The following MYCBP2 variants were observed in gnomAD, a reference collection of about 807,000 sequenced individuals.
MYCBP2 encodes the protein MYC binding protein 2.
Under a neutral mutation model 525.3 loss-of-function variants are expected in MYCBP2, and 120 were observed. That is an observed-to-expected ratio of 0.23 (90% CI 0.20 to 0.27). The LOEUF is 0.27. Ranked by LOEUF, MYCBP2 falls within the 10% of genes least tolerant of loss-of-function variation. The pLI, the probability that MYCBP2 is intolerant of heterozygous loss-of-function variation, is 1.00. For missense variants in MYCBP2, 4,149 were observed against 5,657.1 expected, an observed-to-expected ratio of 0.73 and a Z score of 8.55; for synonymous variants, 1,894 against 1,955.8, an observed-to-expected ratio of 0.97 and a Z score of 0.83.
intron 46 of MYCBP2, among the ~76,000 whole-genome samples, chr13:77,154,556 C>T (rs1338362978): frequency 6.6e-6 from 1 of 151,700 alleles, no homozygotes; most frequent in African/African-American, 2.4e-5. Context: ...AAGGAGAAAA[C>T]ACAAGAAAGA....
At chr13:77,173,229 A>G (rs925085720) in intron 37 of MYCBP2, among the ~76,000 whole-genome samples, 1 of 152,218 alleles carries the variant, frequency 6.6e-6, no homozygotes, top group Non-Finnish European at 1.5e-5. Context: ...GCTTAATAGA[A>G]AACATGAAAA....
In MYCBP2 at chr13:77,058,325, G is replaced by A. The variant is rs1291066349; in HGVS notation, c.13222C>T (p.Pro4408Ser). The A allele has an allele frequency of 6.2e-7, 1 of 1,614,014 alleles. No individual in the cohort carries two copies. The highest frequency in any genetic ancestry group is 8.5e-7 in the Non-Finnish European group (1 of 1,180,032). The change falls in exon 78 of 83, where the codon CCC (proline) becomes TCC (serine). Residue 4408 changes from proline to serine, a missense_variant. By Grantham distance (74) the Pro-to-Ser change is moderately conservative. Transcript: ENST00000544440. This position sits in a 1 kb window ranked among gnomAD's most constrained non-coding sequence, Gnocchi z 4.1. ...CTTTTGTCACAGCCGTGTAGACAGGGCAGACAGTGCTCTTCGTTTTTAACA... is the reference window on the plus strand; with the variant it reads ...CTTTTGTCACAGCCGTGTAGACAGGACAGACAGTGCTCTTCGTTTTTAACA... ...GGVKNEEHCL[P>S]CLHGCDKSAT...
At chr13:77,307,109 TCA>T (rs2079529353) in intron 1 of MYCBP2, among the ~76,000 whole-genome samples, 1 of 152,080 alleles carries the variant, frequency 6.6e-6, no homozygotes. Context: ...CTGGAATTCT[TCA>T]CAGAAACATA....
At chr13:77,168,119 T>C (rs1166062219) in intron 40 of MYCBP2, among the ~76,000 whole-genome samples, 1 of 152,198 alleles carries the variant, frequency 6.6e-6, no homozygotes, top group African/African-American at 2.4e-5. Context: ...AATTTAAAAT[T>C]GTTAATGCTT....
chr13:77,327,072 G>A lies in MYCBP2; in HGVS notation c.-297C>T, dbSNP rs1359095336. ...CACCGCTACCACCGCCACCACCGCC[G>A]GGGCTACCCGCAATGGGAAGCTGCC... On this transcript the variant is annotated 5_prime_UTR_variant, in exon 1 of 83. Coordinates refer to ENST00000544440, the MANE Select transcript of MYCBP2 (RefSeq NM_015057.5). 5 of 437,366 alleles carry A rather than the reference G, an allele frequency of 1.1e-5. No homozygotes were observed. The highest frequency in any genetic ancestry group is 2.0e-5 in the Non-Finnish European group (5 of 252,682). 27.1% of individuals were successfully genotyped at this position (437,366 alleles called of 1,614,324 possible). A position where few individuals can be genotyped will look rare whatever the true frequency, so the allele number is the denominator to read the frequency against.
chr13:77,057,834 CTTTTTTT>C (rs11419165), intron 78 of MYCBP2, among the ~76,000 whole-genome samples: 4,249 of 121,050 alleles, frequency 0.035, 160 homozygotes, highest in East Asian at 0.17. Flanking sequence ...CAATCAACTG[CTTTTTTT>C]TTTTTTTTTT....
At chr13:77,224,670 G>A (rs2066015570) in intron 19 of MYCBP2, 138 bp from the exon 20 acceptor site, 1 of 503,500 alleles carries the variant, frequency 2.0e-6, no homozygotes, top group East Asian at 3.4e-5. Flanking sequence ...GGACAAATTT[G>A]TATTTAATGA....
At chr13:77,083,219 T>G (rs759734924) in intron 62 of MYCBP2, 27 bp from the exon 63 acceptor site, 1 of 1,604,746 alleles carries the variant, frequency 6.2e-7, no homozygotes, top group South Asian at 1.1e-5. Flanking sequence ...AACAAGTTTA[T>G]CAGTTTGTGT....
At chr13:77,157,653 G>A (rs534396549) in intron 45 of MYCBP2, among the ~76,000 whole-genome samples, 1 of 152,162 alleles carries the variant, frequency 6.6e-6, no homozygotes, top group South Asian at 2.1e-4. Context: ...GGGAGGCTGA[G>A]GCACAAGAAT....
Position 77,088,887 on chromosome 13 carries a change from T to C in MYCBP2, c.10670A>G (p.Glu3557Gly), listed in dbSNP as rs1196668640. Residue 3557 changes from glutamate to glycine, a missense_variant, in exon 61 of 83, where the codon GAA becomes GGA. Coordinates refer to ENST00000544440, the MANE Select transcript of MYCBP2 (RefSeq NM_015057.5). ...VIQHHDLEGL[E>G]IAMKQALRKS... ...CCTTAGGGCCTGTTTCATTGCTATT[T>C]CAAGACCTTCTAGATCATGATGTTG... 5.0e-6 allele frequency: 8 copies of C among 1,613,214 alleles called. No homozygotes were observed. The highest frequency in any genetic ancestry group is 6.8e-6 in the Non-Finnish European group (8 of 1,179,504).
chr13:77,094,659 G>C (rs930595079), intron 58 of MYCBP2, among the ~76,000 whole-genome samples: 2 of 152,104 alleles, frequency 1.3e-5, no homozygotes, highest in African/African-American at 4.8e-5. Flanking sequence ...ACTCACCTGG[G>C]TTATTCTTCC....
At chr13:77,312,690 CA>C (rs978806115) in intron 1 of MYCBP2, among the ~76,000 whole-genome samples, 16 of 151,256 alleles carry the variant, frequency 1.1e-4, no homozygotes, top group Non-Finnish European at 2.4e-4. Context: ...AAGAAAGGAA[CA>C]AAAAAAGAGA....
At chr13:77,287,539 A>C (rs1407584391) in intron 3 of MYCBP2, among the ~76,000 whole-genome samples, 1 of 152,162 alleles carries the variant, frequency 6.6e-6, no homozygotes, top group African/African-American at 2.4e-5. Context: ...TGCTCCTGGT[A>C]AATAAGGGAG....
chr13:77,273,161 G>C (rs144404634), intron 5 of MYCBP2, among the ~76,000 whole-genome samples: 96 of 152,158 alleles, frequency 6.3e-4, no homozygotes, highest in African/African-American at 2.1e-3. Context: ...AAAAACTCAG[G>C]GAAAGATGGG....
chr13:77,237,181 G>A (rs1248554855), intron 17 of MYCBP2, among the ~76,000 whole-genome samples: 1 of 152,074 alleles, frequency 6.6e-6, no homozygotes, highest in East Asian at 1.9e-4. Context: ...ATAAACTATG[G>A]TATAGCCATA....
At chr13:77,271,852 A>C (rs1413392552) in intron 5 of MYCBP2, among the ~76,000 whole-genome samples, 2 of 152,188 alleles carry the variant, frequency 1.3e-5, no homozygotes, top group Non-Finnish European at 2.9e-5. Context: ...TTCTCAGGGA[A>C]AGCTTTTCTC....
chr13:77,059,718 A>G (rs532869940), intron 76 of MYCBP2, 92 bp from the exon 77 acceptor site: 9 of 800,226 alleles, frequency 1.1e-5, no homozygotes, highest in Admixed American at 8.4e-5. Context: ...CTAGGTTTGT[A>G]TAAGTTGCTA....
chr13:77,181,604 T>C, intron 33 of MYCBP2, 97 bp downstream of exon 33: 1 of 786,482 alleles, frequency 1.3e-6, no homozygotes, highest in Non-Finnish European at 2.0e-6. Flanking sequence ...TAGCTTGGTG[T>C]GTTTATAGTT....
intron 4 of MYCBP2, among the ~76,000 whole-genome samples, chr13:77,274,344 T>C (rs1417705218): frequency 6.6e-6 from 1 of 152,132 alleles, no homozygotes; most frequent in African/African-American, 2.4e-5. Flanking sequence ...CCTGAACACC[T>C]CCATCTAAGA....
Sources: gnomAD v4.1 joint callset for allele counts (sites outside exome capture counted in the v4.1 genomes callset) on GRCh38, gnomAD v4.1.1 for gene constraint, Gnocchi (gnomAD v3.1) non-coding constraint, MANE v1.5 for transcripts, NCBI Gene and HGNC (gene_info 2026-07-23, HGNC 2026-07-21) for gene names.